GALNT10: variants seen among roughly 807,000 people sequenced by gnomAD.
GALNT10 encodes the protein polypeptide N-acetylgalactosaminyltransferase 10.
A neutral mutation model predicts 75.0 loss-of-function variants in GALNT10; 41 were observed. The observed-to-expected ratio is 0.55, with a 90% CI of 0.43 to 0.71. The LOEUF (loss-of-function observed/expected upper bound fraction) is 0.71. GALNT10 is among the 30% of genes least tolerant of loss of function. The probability of loss-of-function intolerance (pLI) is 0.00; values close to 1 mark genes in which losing one functional copy is unlikely to be tolerated. For missense variants in GALNT10, 727 were observed against 818.5 expected (o/e 0.89, Z 1.36); for synonymous variants, 302 against 313.0 (o/e 0.96, Z 0.37).
intron 1 of GALNT10, among the ~76,000 whole-genome samples, chr5:154,293,513 C>T (rs1025048096): frequency 2.6e-5 from 4 of 151,592 alleles, no homozygotes; most frequent in African/African-American, 9.7e-5. Flanking sequence ...TCCTAATGGG[C>T]GCATGAGGGT....
chr5:154,247,102 C>G (rs1003792388), intron 1 of GALNT10, among the ~76,000 whole-genome samples: 3 of 152,138 alleles, frequency 2.0e-5, no homozygotes, highest in Non-Finnish European at 4.4e-5. Flanking sequence ...TCAGGTTTGT[C>G]AAAGATCAGA....
rs1400045551 is a variant in GALNT10 at position 154,376,510 on chromosome 5, G to A, written c.754+48G>A. The A allele has an allele frequency of 1.4e-6, 2 of 1,392,784 alleles. No homozygotes were observed. Among genetic ancestry groups the A allele is most frequent in the Non-Finnish European group, 2.0e-6 (2 of 1,022,116 alleles). The allele number at this position is 1,392,784 out of a possible 1,614,324, so 86.3% of individuals were successfully genotyped here. ...GAGGGAGGCAAACTGCAATGAGCCA[G>A]TGCCAGTGGCCCCCTCCTGCTGCAG... is the stretch of plus-strand genomic sequence containing the variant. On this transcript the variant is annotated intron_variant, in intron 5 of 11. Transcript: ENST00000297107. This position sits in a 1 kb window ranked among gnomAD's most constrained non-coding sequence, Gnocchi z 4.1.
intron 1 of GALNT10, among the ~76,000 whole-genome samples, chr5:154,256,344 GTTGTTT>G (rs199699672): frequency 3.6e-5 from 1 of 27,976 alleles, no homozygotes; most frequent in African/African-American, 6.9e-5. Context: ...AACAGAGGCT[GTTGTTT>G]TTGTTTTTTT....
chr5:154,344,502 G>T (rs143890686), intron 4 of GALNT10, among the ~76,000 whole-genome samples: 3 of 152,038 alleles, frequency 2.0e-5, no homozygotes, highest in African/African-American at 7.2e-5. Context: ...GAGCCACTGC[G>T]CCTGGCCAAT....
intron 4 of GALNT10, among the ~76,000 whole-genome samples, chr5:154,337,238 T>A (rs1369990816): frequency 6.6e-6 from 1 of 152,218 alleles, no homozygotes; most frequent in Non-Finnish European, 1.5e-5. Context: ...TGCTTTACAC[T>A]TTCCACAGAA....
chr5:154,206,556 A>C (rs1474016526), intron 1 of GALNT10, among the ~76,000 whole-genome samples: 1 of 152,176 alleles, frequency 6.6e-6, no homozygotes, highest in East Asian at 1.9e-4. Flanking sequence ...AGGGAGCAGC[A>C]CCCTAGTTGT....
intron 1 of GALNT10, among the ~76,000 whole-genome samples, chr5:154,196,800 C>T (rs530702004): frequency 2.0e-5 from 3 of 152,184 alleles, no homozygotes. Flanking sequence ...ATTGACTTAA[C>T]GTACCCTAGA....
intron 1 of GALNT10, among the ~76,000 whole-genome samples, chr5:154,245,923 A>G (rs1460242857): frequency 6.6e-6 from 1 of 151,490 alleles, no homozygotes; most frequent in Non-Finnish European, 1.5e-5. Flanking sequence ...TCGTCATTTA[A>G]CATTAGGTAT....
rs1452614590 is a variant in GALNT10 at position 154,419,860 on chromosome 5, T to C, written c.*2888T>C. Reference sequence around the variant, plus strand: ...TATGGAGATGCTGACAGCCAGGTAATGGGTGAGACTGTGGGGTCCCTTTTC... The same window carrying C: ...TATGGAGATGCTGACAGCCAGGTAACGGGTGAGACTGTGGGGTCCCTTTTC... On this transcript the variant is annotated 3_prime_UTR_variant, in exon 12 of 12. Transcript: ENST00000297107. 2 of 152,202 alleles carry C rather than the reference T, an allele frequency of 1.3e-5. No homozygotes were observed. The highest frequency in any genetic ancestry group is 4.8e-5 in the African/African-American group (2 of 41,454). 9.4% of individuals were successfully genotyped at this position (152,202 alleles called of 1,614,324 possible). A position where few individuals can be genotyped will look rare whatever the true frequency, so the allele number is the denominator to read the frequency against.
rs1180598007 is a variant in GALNT10, at chr5:154,371,094, CG to C, written c.569-5180del. Among the ~76,000 whole-genome samples the C allele has an allele frequency of 1.2e-4, 18 of 152,334 alleles. No homozygotes were observed. The East Asian group carries it at 1.5e-3, about 13-fold the overall frequency. On this transcript the variant is annotated intron_variant, in intron 4 of 11. Transcript: ENST00000297107. Reference sequence around the variant, plus strand: ...AGTGCCATGCTGTCTCTGAAGTCCTCGGGAGGATTCCATGCCTGTTCCCAGC... The same window carrying C: ...AGTGCCATGCTGTCTCTGAAGTCCTCGGAGGATTCCATGCCTGTTCCCAGC...
At chr5:154,283,036 C>A (rs1235580535) in intron 1 of GALNT10, among the ~76,000 whole-genome samples, 2 of 152,112 alleles carry the variant, frequency 1.3e-5, no homozygotes, top group African/African-American at 4.8e-5. Context: ...CCTGTGGGAG[C>A]ATCTGCATTC....
At chr5:154,281,856 A>T (rs577796556) in intron 1 of GALNT10, among the ~76,000 whole-genome samples, 1 of 152,326 alleles carries the variant, frequency 6.6e-6, no homozygotes, top group African/African-American at 2.4e-5. Context: ...TAGGGCATGG[A>T]GGCACCTCGT....
At chr5:154,382,268 C>T (rs1755745307) in intron 6 of GALNT10, among the ~76,000 whole-genome samples, 1 of 152,204 alleles carries the variant, frequency 6.6e-6, no homozygotes, top group African/African-American at 2.4e-5. Flanking sequence ...CCAGCCTGAG[C>T]CAAGAGTGGA....
In GALNT10 at chr5:154,380,492, G is replaced by T; in HGVS notation, c.799G>T (p.Asp267Tyr). The T allele has an allele frequency of 6.2e-7, 1 of 1,614,148 alleles. No individual in the cohort carries two copies. Among genetic ancestry groups the T allele is most frequent in the Non-Finnish European group, 8.5e-7 (1 of 1,180,012 alleles). Residue 267 changes from aspartate (D) to tyrosine (Y), a missense_variant, in exon 6 of 12, where the codon GAT becomes TAT. Asp to Tyr is a radical substitution (Grantham distance 160, BLOSUM62 -3). Coordinates refer to ENST00000297107, the MANE Select transcript of GALNT10 (RefSeq NM_198321.4). ...CAAGACCATTGTGTGCCCGATGATT[G>T]ATGTAATTGACCATGACGACTTTCG... ...NRKTIVCPMI[D>Y]VIDHDDFRYE...
At chr5:154,238,435 C>A (rs1469996147) in intron 1 of GALNT10, among the ~76,000 whole-genome samples, 6 of 152,148 alleles carry the variant, frequency 3.9e-5, no homozygotes, top group Non-Finnish European at 5.9e-5. Context: ...CATTAATATG[C>A]AGATTGAATT....
At chr5:154,250,589 T>C (rs1753501670) in intron 1 of GALNT10, among the ~76,000 whole-genome samples, 1 of 152,084 alleles carries the variant, frequency 6.6e-6, no homozygotes, top group Non-Finnish European at 1.5e-5. Flanking sequence ...GTTCCAGACA[T>C]CACACATAGA....
intron 1 of GALNT10, among the ~76,000 whole-genome samples, chr5:154,198,568 T>C (rs1342505620): frequency 2.0e-5 from 3 of 152,228 alleles, no homozygotes; most frequent in Admixed American, 2.0e-4. Context: ...CTCTGATTAT[T>C]GGAGGTGGGA....
intron 7 of GALNT10, among the ~76,000 whole-genome samples, chr5:154,390,153 C>T (rs1329649781): frequency 3.9e-5 from 6 of 152,200 alleles, no homozygotes; most frequent in Admixed American, 1.3e-4. Context: ...TGTAAGAGGC[C>T]GTGTTTGCCC....
intron 1 of GALNT10, among the ~76,000 whole-genome samples, chr5:154,287,959 T>TGAGAGA (rs36043154): frequency 1.1e-4 from 17 of 149,846 alleles, no homozygotes; most frequent in South Asian, 2.1e-4. Flanking sequence ...TGTGTGTGTG[T>TGAGAGA]GAGAGAGAGA....
Sources: gnomAD v4.1 joint callset for allele counts (sites outside exome capture counted in the v4.1 genomes callset) on GRCh38, gnomAD v4.1.1 for gene constraint, Gnocchi (gnomAD v3.1) non-coding constraint, MANE v1.5 for transcripts, NCBI Gene and HGNC (gene_info 2026-07-23, HGNC 2026-07-21) for gene names.